TAFA5: variants seen among roughly 807,000 people sequenced by gnomAD.
TAFA5 encodes the protein TAFA chemokine like family member 5.
A neutral mutation model predicts 15.3 loss-of-function variants in TAFA5; 6 were observed. That is an observed-to-expected ratio of 0.39 (90% CI 0.21 to 0.77). The LOEUF is 0.77. Among genes scored for constraint, TAFA5 ranks in the 30% least tolerant of loss-of-function variants. The pLI, the probability that TAFA5 is intolerant of heterozygous loss-of-function variation, is 0.41. For synonymous variants in TAFA5, 103 were observed against 80.7 expected, an observed-to-expected ratio of 1.28 and a Z score of -1.48; for missense variants, 161 against 193.1, an observed-to-expected ratio of 0.83 and a Z score of 0.98.
At chr22:48,659,433 TCCAGATTCTGCCTTCTCAGGGGAAC>T (rs552357861) in intron 2 of TAFA5, among the ~76,000 whole-genome samples, 3 of 152,180 alleles carry the variant, frequency 2.0e-5, no homozygotes, top group East Asian at 1.9e-4. Context: ...CCTCAGGGGG[TCCAGATTCTGCCTTCTCAGGGGAAC>T]CCAGATTCAG....
chr22:48,613,453 C>T (rs1374768739), intron 1 of TAFA5, among the ~76,000 whole-genome samples: 2 of 152,174 alleles, frequency 1.3e-5, no homozygotes, highest in African/African-American at 2.4e-5. Flanking sequence ...TCTCTGGGGT[C>T]CATCTCCCCC....
At chr22:48,575,598 C>CCACCGG (rs942230015) in intron 1 of TAFA5, among the ~76,000 whole-genome samples, 2,655 of 146,334 alleles carry the variant, frequency 0.018, 84 homozygotes, top group African/African-American at 0.062. Flanking sequence ...GGCGCGGCAG[C>CCACCGG]CACCGGCACC....
intron 2 of TAFA5, among the ~76,000 whole-genome samples, chr22:48,649,203 G>C (rs961516356): frequency 6.6e-6 from 1 of 152,240 alleles, no homozygotes; most frequent in Non-Finnish European, 1.5e-5. Context: ...CTGTGCACCT[G>C]GGGGTTGCGT....
At chr22:48,505,218 G>C (rs545866695) in intron 1 of TAFA5, among the ~76,000 whole-genome samples, 1 of 152,180 alleles carries the variant, frequency 6.6e-6, no homozygotes, top group Non-Finnish European at 1.5e-5. Flanking sequence ...CTCCATCTCC[G>C]TGACAAGTCA....
At chr22:48,614,936 G>A (rs28485651) in intron 1 of TAFA5, among the ~76,000 whole-genome samples, 32,241 of 152,072 alleles carry the variant, frequency 0.21, 3,544 homozygotes, top group Non-Finnish European at 0.22. Flanking sequence ...CAGTCACCGG[G>A]GCCAGAAGCC....
chr22:48,630,964 C>T (rs964763982), intron 1 of TAFA5, among the ~76,000 whole-genome samples: 4 of 152,192 alleles, frequency 2.6e-5, no homozygotes, highest in South Asian at 2.1e-4. Context: ...CCAGGGTCAC[C>T]GAGGACAGGG....
At chr22:48,575,960 A>G (rs1223322059) in intron 1 of TAFA5, among the ~76,000 whole-genome samples, 1 of 133,148 alleles carries the variant, frequency 7.5e-6, no homozygotes, top group Non-Finnish European at 1.6e-5. Context: ...CGGCGGAGGA[A>G]GAGGAGGAGG....
intron 1 of TAFA5, chr22:48,543,600 C>A (rs1922544525): frequency 6.6e-6 from 1 of 152,372 alleles, no homozygotes; most frequent in African/African-American, 2.4e-5. Context: ...AGATATTATC[C>A]TTGCTGCAGT....
At chr22:48,578,132 G>A (rs1017610197) in intron 1 of TAFA5, among the ~76,000 whole-genome samples, 1 of 152,244 alleles carries the variant, frequency 6.6e-6, no homozygotes, top group South Asian at 2.1e-4. Flanking sequence ...GGCTGATCTC[G>A]AAGTCTCTGG....
rs1409304469 is a variant in TAFA5, at chr22:48,585,281, A to C, written c.113-61316A>C. On this transcript the variant is annotated intron_variant, in intron 1 of 3. Coordinates refer to ENST00000402357, the MANE Select transcript of TAFA5 (RefSeq NM_001082967.3). ...CAGATAATATACCACCTAACCACAC[A>C]CAACACACACACATAAAATACACCA... Among the ~76,000 whole-genome samples, 4 of 151,652 alleles carry C rather than the reference A, an allele frequency of 2.6e-5. No homozygotes were observed. The East Asian group carries it at 7.8e-4, about 29-fold the overall frequency.
chr22:48,601,706 G>C (rs1187206958), intron 1 of TAFA5, among the ~76,000 whole-genome samples: 1 of 152,118 alleles, frequency 6.6e-6, no homozygotes, highest in Non-Finnish European at 1.5e-5. Context: ...GTTTTCCCCA[G>C]AACCCAGTTC....
At chr22:48,593,002 C>G (rs1601601690) in intron 1 of TAFA5, among the ~76,000 whole-genome samples, 1 of 152,004 alleles carries the variant, frequency 6.6e-6, no homozygotes, top group Non-Finnish European at 1.5e-5. Context: ...CTCTTCAGAG[C>G]TAGCTGAGTG....
At chr22:48,523,710 C>T (rs994862815) in intron 1 of TAFA5, among the ~76,000 whole-genome samples, 2 of 152,212 alleles carry the variant, frequency 1.3e-5, no homozygotes, top group African/African-American at 4.8e-5. Flanking sequence ...AGGAGCCGCT[C>T]CCAGGAACCC....
At chr22:48,608,560 C>T (rs913291991) in intron 1 of TAFA5, among the ~76,000 whole-genome samples, 5 of 152,164 alleles carry the variant, frequency 3.3e-5, no homozygotes, top group Admixed American at 1.3e-4. Context: ...AGACATGCTG[C>T]GGTTTTCCCA....
chr22:48,512,234 C>T (rs994114175), intron 1 of TAFA5, among the ~76,000 whole-genome samples: 3 of 152,156 alleles, frequency 2.0e-5, no homozygotes, highest in Admixed American at 6.5e-5. Flanking sequence ...CTGGCCCCTT[C>T]GCTGCCTCTC....
chr22:48,610,939 T>C (rs1925383949), intron 1 of TAFA5, among the ~76,000 whole-genome samples: 1 of 31,384 alleles, frequency 3.2e-5, no homozygotes, highest in South Asian at 1.0e-3. Flanking sequence ...CTTAGTAATT[T>C]TTTTTTTTTT....
intron 3 of TAFA5, among the ~76,000 whole-genome samples, chr22:48,710,863 C>T (rs1023408427): frequency 1.3e-5 from 2 of 152,172 alleles, no homozygotes; most frequent in Non-Finnish European, 2.9e-5. Flanking sequence ...CTCAGTTTCA[C>T]AGGCTTGAAT....
intron 1 of TAFA5, among the ~76,000 whole-genome samples, chr22:48,562,117 A>G (rs1294802533): frequency 1.3e-5 from 2 of 151,884 alleles, no homozygotes; most frequent in African/African-American, 4.8e-5. Flanking sequence ...AAGCCCCCTC[A>G]TTTCCCCAGA....
At chr22:48,745,532 C>A (rs535668436) in intron 3 of TAFA5, among the ~76,000 whole-genome samples, 2 of 151,718 alleles carry the variant, frequency 1.3e-5, no homozygotes, top group Non-Finnish European at 2.9e-5. Flanking sequence ...GCTTTGTCGT[C>A]GGCAGCTGGC....
Sources: gnomAD v4.1 joint callset for allele counts (sites outside exome capture counted in the v4.1 genomes callset) on GRCh38, gnomAD v4.1.1 for gene constraint, MANE v1.5 for transcripts, NCBI Gene and HGNC (gene_info 2026-07-23, HGNC 2026-07-21) for gene names.